The following KCNK13 variants were observed in gnomAD, a reference collection of about 807,000 sequenced individuals.
KCNK13 encodes the protein potassium two pore domain channel subfamily K member 13.
Under a neutral mutation model 23.4 loss-of-function variants are expected in KCNK13, and 12 were observed. The ratio of observed to expected loss-of-function variants is 0.51; its 90% CI spans 0.33 to 0.83. The LOEUF is 0.83. KCNK13 is among the 40% of genes least tolerant of loss of function. KCNK13 has a pLI of 0.02. For missense variants in KCNK13, 463 were observed against 556.3 expected (o/e 0.83, Z 1.69); for synonymous variants, 231 against 229.5 (o/e 1.01, Z -0.06).
intron 1 of KCNK13, among the ~76,000 whole-genome samples, chr14:90,143,263 G>A (rs1198591429): frequency 1.4e-5 from 2 of 145,918 alleles, no homozygotes; most frequent in African/African-American, 5.1e-5. Flanking sequence ...GCTGAAATGC[G>A]GTAGCGTGAT....
chr14:90,085,680 A>T (rs916928182), intron 1 of KCNK13, among the ~76,000 whole-genome samples: 1 of 142,240 alleles, frequency 7.0e-6, no homozygotes, highest in Admixed American at 7.4e-5. Context: ...ATATATATAT[A>T]TTTTATTTAT....
chr14:90,156,035 C>G (rs1890189911), intron 1 of KCNK13, among the ~76,000 whole-genome samples: 1 of 152,000 alleles, frequency 6.6e-6, no homozygotes, highest in Admixed American at 6.6e-5. Flanking sequence ...TAAACCCCAT[C>G]TCTACAAAAA....
chr14:90,101,823 C>CACCGCTAA (rs1317392084), intron 1 of KCNK13, among the ~76,000 whole-genome samples: 1 of 109,152 alleles, frequency 9.2e-6, no homozygotes, highest in Non-Finnish European at 2.0e-5. Flanking sequence ...CCTCACAAGT[C>CACCGCTAA]ACCGCTAAAG....
intron 1 of KCNK13, among the ~76,000 whole-genome samples, chr14:90,122,017 G>GT (rs1414383112): frequency 1.3e-5 from 2 of 152,072 alleles, no homozygotes; most frequent in African/African-American, 4.8e-5. Flanking sequence ...ACCATGCCCA[G>GT]CAGATGCATT....
intron 1 of KCNK13, among the ~76,000 whole-genome samples, chr14:90,084,605 C>T (rs57512674): frequency 1.7e-4 from 26 of 152,288 alleles, no homozygotes; most frequent in African/African-American, 6.3e-4. Context: ...TTCTTTCTTT[C>T]CCATCTGGAT....
intron 1 of KCNK13, among the ~76,000 whole-genome samples, chr14:90,077,108 C>T (rs1190884033): frequency 3.4e-5 from 5 of 144,948 alleles, no homozygotes; most frequent in East Asian, 2.0e-4. Flanking sequence ...CATGAGCCAC[C>T]GCACCTGGCT....
chr14:90,062,409 C>T lies in KCNK13; in HGVS notation c.204C>T (p.Arg68=). 1.9e-6 allele frequency: 3 copies of T among 1,546,330 alleles called. No individual in the cohort carries two copies. The highest frequency in any genetic ancestry group is 2.6e-6 in the Non-Finnish European group (3 of 1,145,346). ...ANFSRGHNLS[R]DELRGFLRHY... Reference sequence around the variant, plus strand: ...TCAGCCGCGGCCACAACCTGAGCCGCGACGAGCTGCGCGGCTTCCTCCGCC... The same window carrying T: ...TCAGCCGCGGCCACAACCTGAGCCGTGACGAGCTGCGCGGCTTCCTCCGCC... The change falls in exon 1 of 2, where the codon CGC becomes CGT. Residue 68 remains arginine, a synonymous_variant. Coordinates refer to ENST00000282146, the MANE Select transcript of KCNK13 (RefSeq NM_022054.4). The surrounding 1 kb of genome is among the most constrained non-coding windows in gnomAD (Gnocchi z 4.5).
intron 1 of KCNK13, among the ~76,000 whole-genome samples, chr14:90,067,819 C>T (rs903593210): frequency 6.6e-6 from 1 of 152,084 alleles, no homozygotes; most frequent in African/African-American, 2.4e-5. Context: ...AGCTTGTCCC[C>T]GTGTTTGCTG....
intron 1 of KCNK13, among the ~76,000 whole-genome samples, chr14:90,075,870 T>G (rs959225627): frequency 6.6e-6 from 1 of 152,214 alleles, no homozygotes; most frequent in South Asian, 2.1e-4. Flanking sequence ...CATCATTCAT[T>G]TAAACCCCAT....
intron 1 of KCNK13, among the ~76,000 whole-genome samples, chr14:90,139,250 G>A (rs536204755): frequency 5.9e-4 from 90 of 152,224 alleles, no homozygotes; most frequent in South Asian, 1.2e-3. Context: ...TGCAGCTGGG[G>A]AGCGGGGCAG....
intron 1 of KCNK13, among the ~76,000 whole-genome samples, chr14:90,149,094 C>T (rs756059340): frequency 1.3e-5 from 2 of 152,180 alleles, no homozygotes; most frequent in Non-Finnish European, 2.9e-5. Context: ...CGGTGGCTCA[C>T]ACCTATAATC....
At chr14:90,104,791 C>CT (rs66511223) in intron 1 of KCNK13, among the ~76,000 whole-genome samples, 25,279 of 113,462 alleles carry the variant, frequency 0.22, 3,512 homozygotes, top group South Asian at 0.36. Flanking sequence ...CTTTTCTTTT[C>CT]TTTTTTTTTT....
rs1219381209 is a variant in KCNK13, at chr14:90,157,589, G to A, written c.335-26522G>A. On this transcript the variant is annotated intron_variant, in intron 1 of 1. Transcript: ENST00000282146. ...TTTTTAAATTTTTTGTAGAGACAGG[G>A]TCTTGCTATATTGTCCAGGCTGGTC... Among the ~76,000 whole-genome samples the A allele has an allele frequency of 2.0e-5, 3 of 151,572 alleles. No individual in the cohort carries two copies. In the East Asian group the frequency reaches 5.8e-4, roughly 29 times the overall value.
chr14:90,098,542 C>T (rs1318835624), intron 1 of KCNK13, among the ~76,000 whole-genome samples: 4 of 150,258 alleles, frequency 2.7e-5, no homozygotes, highest in Admixed American at 6.6e-5. Context: ...GTCAGCAGTT[C>T]GAGACCGGGA....
chr14:90,080,047 A>G (rs954955953), intron 1 of KCNK13, among the ~76,000 whole-genome samples: 2 of 152,176 alleles, frequency 1.3e-5, no homozygotes, highest in African/African-American at 4.8e-5. Context: ...GGACAATGCT[A>G]TTGTTGTCTG....
chr14:90,153,834 T>A (rs1200714842), intron 1 of KCNK13, among the ~76,000 whole-genome samples: 1 of 152,230 alleles, frequency 6.6e-6, no homozygotes, highest in African/African-American at 2.4e-5. Flanking sequence ...CTCTATGTCC[T>A]GTGTGCCCAG....
At chr14:90,082,860 G>A (rs1889229710) in intron 1 of KCNK13, among the ~76,000 whole-genome samples, 1 of 152,016 alleles carries the variant, frequency 6.6e-6, no homozygotes, top group South Asian at 2.1e-4. Context: ...TTTATCTTTG[G>A]ACAAACTTCC....
In KCNK13 at chr14:90,184,985, G is replaced by A; in HGVS notation, c.1209G>A (p.Glu403=). 1 of 1,592,300 alleles carries A rather than the reference G, an allele frequency of 6.3e-7. No individual in the cohort carries two copies. Among genetic ancestry groups the A allele is most frequent in the Non-Finnish European group, 8.6e-7 (1 of 1,168,474 alleles). Residue 403 remains glutamate (E), a synonymous_variant, in exon 2 of 2, where the codon GAG becomes GAA. Transcript: ENST00000282146. This position sits in a 1 kb window ranked among gnomAD's most constrained non-coding sequence, Gnocchi z 5.6. ...CAATCATGAACAACAGGTTGGCAGAGACCAGTGGGGACAGGTAGAAGCCAG... is the reference window on the plus strand; with the variant it reads ...CAATCATGAACAACAGGTTGGCAGAAACCAGTGGGGACAGGTAGAAGCCAG... The part of the protein sequence containing the change: ...AFAIMNNRLA[E]TSGDR
chr14:90,097,086 A>G (rs1173805316), intron 1 of KCNK13, among the ~76,000 whole-genome samples: 1 of 152,008 alleles, frequency 6.6e-6, no homozygotes, highest in East Asian at 1.9e-4. Flanking sequence ...TGTTTTCTAT[A>G]TTTTGTTCTA....
Sources: allele counts gnomAD v4.1 joint callset (sites outside exome capture counted in the v4.1 genomes callset), GRCh38; gene constraint gnomAD v4.1.1; non-coding constraint Gnocchi (gnomAD v3.1); transcripts MANE v1.5; gene names NCBI Gene and HGNC (gene_info 2026-07-23, HGNC 2026-07-21).